The following ADGRL1 variants were observed in gnomAD, a reference collection of about 807,000 sequenced individuals.
The protein encoded by ADGRL1 is adhesion G protein-coupled receptor L1, also known as CIRL-1.
A neutral mutation model predicts 148.9 loss-of-function variants in ADGRL1; 31 were observed. The observed-to-expected ratio is 0.21, with a 90% CI of 0.16 to 0.28. ADGRL1 has a LOEUF of 0.28. ADGRL1 is among the 10% of genes least tolerant of loss of function. ADGRL1 has a pLI of 1.00. For missense variants in ADGRL1, 1,521 were observed against 2,058.8 expected, an observed-to-expected ratio of 0.74 and a Z score of 5.05; for synonymous variants, 937 against 900.3, an observed-to-expected ratio of 1.04 and a Z score of -0.73.
intron 3 of ADGRL1, among the ~76,000 whole-genome samples, chr19:14,175,665 C>G (rs1384512010): frequency 2.0e-5 from 3 of 152,116 alleles, no homozygotes; most frequent in Non-Finnish European, 2.9e-5. Context: ...CACACCTACA[C>G]CTGTTCACAT....
chr19:14,178,654 C>T (rs1005286202), intron 2 of ADGRL1, among the ~76,000 whole-genome samples: 1 of 152,108 alleles, frequency 6.6e-6, no homozygotes, highest in African/African-American at 2.4e-5. Context: ...GTAGCTGGAA[C>T]TACAGATTCA....
chr19:14,156,573 G>A (rs1968779450), intron 16 of ADGRL1, 85 bp downstream of exon 16: 2 of 880,490 alleles, frequency 2.3e-6, no homozygotes, highest in Non-Finnish European at 3.5e-6. Flanking sequence ...GTGTGGGGGG[G>A]GTGGGGGGCG....
At chr19:14,180,964 T>C (rs144339940) in intron 2 of ADGRL1, among the ~76,000 whole-genome samples, 52 of 151,706 alleles carry the variant, frequency 3.4e-4, no homozygotes, top group Middle Eastern at 3.4e-3. Context: ...AGGAGAATGG[T>C]GTGAACCTGG....
chr19:14,205,839 G>GC (rs1169679970), intron 1 of ADGRL1, 146 bp downstream of exon 1: 2 of 151,628 alleles, frequency 1.3e-5, no homozygotes, highest in Non-Finnish European at 2.9e-5. Flanking sequence ...CAGGTGCGGT[G>GC]CCCCGCGCGG....
rs1036904447 is a variant in ADGRL1, at chr19:14,149,707, CTTT to C, written c.*1163_*1165del. On this transcript the variant is annotated 3_prime_UTR_variant, in exon 23 of 23. Transcript: ENST00000361434. The stretch of plus-strand genomic sequence containing the variant: ...GAGGGTGCCAGGAAGGAAATGGGTT[CTTT>C]GTTTCGCTGTTGCATCTAGATTTTG... The C allele has an allele frequency of 1.7e-5, 2 of 118,994 alleles. No individual in the cohort carries two copies. The highest frequency in any genetic ancestry group is 3.6e-5 in the Non-Finnish European group (2 of 55,702). The allele number at this position is 118,994 out of a possible 1,614,324, so 7.4% of individuals were successfully genotyped here.
In ADGRL1 at chr19:14,161,998, T is replaced by C. The variant is rs1969444103; in HGVS notation, c.1196-372A>G. 6.6e-6 allele frequency among the ~76,000 whole-genome samples: 1 copy of C among 152,044 alleles called. No homozygotes were observed. Among genetic ancestry groups the C allele is most frequent in the Non-Finnish European group, 1.5e-5 (1 of 67,962 alleles). ...GCCCCGCCACCAGGTGGGGGCTGAA[T>C]ACCACCGCCCCCCATCCTCGTTCTA... On this transcript the variant is annotated intron_variant, in intron 5 of 22. Transcript: ENST00000361434. The surrounding 1 kb of genome is among the most constrained non-coding windows in gnomAD (Gnocchi z 4.4).
In ADGRL1 at chr19:14,150,790, CATCT is replaced by C. The variant is rs1968081256; in HGVS notation, c.*79_*82del. ...AGAGTGGCCCACCAGCCACTGCCTC[CATCT>C]GTCTCCCTCTCCCACCAGAGCCCTG... On this transcript the variant is annotated 3_prime_UTR_variant, in exon 23 of 23. Coordinates refer to ENST00000361434, the MANE Select transcript of ADGRL1 (RefSeq NM_014921.5). 2.0e-6 allele frequency: 3 copies of C among 1,508,016 alleles called. No individual in the cohort carries two copies. The highest frequency in any genetic ancestry group is 2.7e-6 in the Non-Finnish European group (3 of 1,117,534). The allele number at this position is 1,508,016 out of a possible 1,614,324, so 93.4% of individuals were successfully genotyped here.
chr19:14,153,040 CCT>C (rs1555780342), intron 18 of ADGRL1, 128 bp from the exon 19 acceptor site: 4 of 1,100,146 alleles, frequency 3.6e-6, no homozygotes, highest in Non-Finnish European at 1.3e-6. Context: ...ACTGTGTTCC[CCT>C]GTTCAGCGAC....
intron 4 of ADGRL1, among the ~76,000 whole-genome samples, chr19:14,166,110 G>A (rs1349441159): frequency 2.6e-5 from 4 of 151,180 alleles, no homozygotes; most frequent in South Asian, 2.1e-4. Context: ...GCCGCCCGCC[G>A]CCCATCTCCC....
At position 14,162,581 on chromosome 19, in the gene ADGRL1, A is replaced by G; in HGVS notation, c.1195+25T>C. 6.3e-7 allele frequency: 1 copy of G among 1,577,560 alleles called. No individual in the cohort carries two copies. Among genetic ancestry groups the G allele is most frequent in the Non-Finnish European group, 8.6e-7 (1 of 1,157,656 alleles). ...GAGGGGACAAAGGCAAGCAGGCTCC[A>G]TGCCTGGAAGTGAGTCGTCCTCACC... is the stretch of plus-strand genomic sequence containing the variant. On this transcript the variant is annotated intron_variant, in intron 5 of 22. Coordinates refer to ENST00000361434, the MANE Select transcript of ADGRL1 (RefSeq NM_014921.5). The surrounding 1 kb of genome is among the most constrained non-coding windows in gnomAD (Gnocchi z 5.4).
rs1465959631 is a variant in ADGRL1 at position 14,161,082 on chromosome 19, T to G, written c.1510+230A>C. ...TGCCTGGGGCTGTGGCAGGTCAGCCTGAGGCCGGGAGCCAGGTCACCTCCT... is the reference window on the plus strand; with the variant it reads ...TGCCTGGGGCTGTGGCAGGTCAGCCGGAGGCCGGGAGCCAGGTCACCTCCT... On this transcript the variant is annotated intron_variant, in intron 6 of 22. Transcript: ENST00000361434. The surrounding 1 kb of genome is among the most constrained non-coding windows in gnomAD (Gnocchi z 4.4). Among the ~76,000 whole-genome samples, 1 of 151,908 alleles carries G rather than the reference T, an allele frequency of 6.6e-6. No homozygotes were observed. Among genetic ancestry groups the G allele is most frequent in the African/African-American group, 2.4e-5 (1 of 41,342 alleles).
At chr19:14,165,099 G>A (rs1969826947) in intron 4 of ADGRL1, among the ~76,000 whole-genome samples, 1 of 152,194 alleles carries the variant, frequency 6.6e-6, no homozygotes, top group African/African-American at 2.4e-5. Flanking sequence ...ACCTCCAGCA[G>A]GCTTGGGAGG....
intron 2 of ADGRL1, among the ~76,000 whole-genome samples, chr19:14,178,097 AC>A (rs1405582066): frequency 7.2e-5 from 11 of 152,066 alleles, no homozygotes; most frequent in Non-Finnish European, 1.6e-4. Flanking sequence ...TGAAGTCCTA[AC>A]CCCCAGGACC....
intron 18 of ADGRL1, 89 bp from the exon 19 acceptor site, chr19:14,153,001 T>C: frequency 6.6e-7 from 1 of 1,507,956 alleles, no homozygotes; most frequent in Non-Finnish European, 9.0e-7. Flanking sequence ...ACAGGCAGCC[T>C]TGGGAGGCCG....
At chr19:14,156,899 T>C in intron 15 of ADGRL1, 26 bp downstream of exon 15, 6 of 1,600,634 alleles carry the variant, frequency 3.7e-6, no homozygotes, top group African/African-American at 1.4e-5. Flanking sequence ...GGTGGGAGGG[T>C]GCAGGGCTGG....
chr19:14,165,143 G>C (rs2144789179), intron 4 of ADGRL1, among the ~76,000 whole-genome samples: 1 of 152,284 alleles, frequency 6.6e-6, no homozygotes, highest in African/African-American at 2.4e-5. Context: ...TCACAGCATG[G>C]GAACAATGTG....
At chr19:14,156,519 G>T (rs1289511220) in intron 16 of ADGRL1, 139 bp downstream of exon 16, 2 of 690,448 alleles carry the variant, frequency 2.9e-6, no homozygotes, top group Non-Finnish European at 2.5e-6. Flanking sequence ...CCTCTCAGCC[G>T]GTGGCTCAGT....
Position 14,155,630 on chromosome 19 carries a change from G to T in ADGRL1, c.3126-103C>A. On this transcript the variant is annotated intron_variant, in intron 17 of 22. Transcript: ENST00000361434. This position sits in a 1 kb window ranked among gnomAD's most constrained non-coding sequence, Gnocchi z 5.0. Reference sequence around the variant, plus strand: ...AACGGGGGCCCTTGGGTGGGCCTGGGCACTGTCTGCAAAGCCCTGAGCGGG... The same window carrying T: ...AACGGGGGCCCTTGGGTGGGCCTGGTCACTGTCTGCAAAGCCCTGAGCGGG... 1.6e-6 allele frequency: 2 copies of T among 1,218,402 alleles called. No homozygotes were observed. Among genetic ancestry groups the T allele is most frequent in the Non-Finnish European group, 2.3e-6 (2 of 866,932 alleles). 75.5% of individuals were successfully genotyped at this position (1,218,402 alleles called of 1,614,324 possible).
At chr19:14,194,286 C>G (rs963414418) in intron 1 of ADGRL1, among the ~76,000 whole-genome samples, 1 of 152,092 alleles carries the variant, frequency 6.6e-6, no homozygotes, top group African/African-American at 2.4e-5. Context: ...GTTGTGGGAG[C>G]CTAGGAAATT....
Sources: allele counts gnomAD v4.1 joint callset (sites outside exome capture counted in the v4.1 genomes callset), GRCh38; gene constraint gnomAD v4.1.1; non-coding constraint Gnocchi (gnomAD v3.1); transcripts MANE v1.5; gene names NCBI Gene and HGNC (gene_info 2026-07-23, HGNC 2026-07-21).